The following PTPRT variants were observed in gnomAD, a reference collection of about 807,000 sequenced individuals.
The protein encoded by PTPRT is receptor-type tyrosine-protein phosphatase T.
A neutral mutation model predicts 176.8 loss-of-function variants in PTPRT; 56 were observed. That is an observed-to-expected ratio of 0.32 (90% CI 0.26 to 0.40). PTPRT has a LOEUF of 0.40. Among genes scored for constraint, PTPRT ranks in the 10% least tolerant of loss-of-function variants. The probability of loss-of-function intolerance (pLI) is 1.00; values close to 1 mark genes in which losing one functional copy is unlikely to be tolerated. For missense variants in PTPRT, 1,540 were observed against 1,908.2 expected, an observed-to-expected ratio of 0.81 and a Z score of 3.60; for synonymous variants, 783 against 739.0, an observed-to-expected ratio of 1.06 and a Z score of -0.96.
intron 1 of PTPRT, among the ~76,000 whole-genome samples, chr20:43,139,656 A>G (rs1359980208): frequency 6.6e-6 from 1 of 152,152 alleles, no homozygotes; most frequent in Non-Finnish European, 1.5e-5. Context: ...TGATTTACCT[A>G]TGAGGGAGGG....
At chr20:43,010,304 G>A (rs1985051958) in intron 1 of PTPRT, among the ~76,000 whole-genome samples, 1 of 151,740 alleles carries the variant, frequency 6.6e-6, no homozygotes, top group South Asian at 2.1e-4. Flanking sequence ...CATTGGTAAG[G>A]CTTCCAAGAC....
At chr20:42,108,371 T>G (rs1371253786) in intron 23 of PTPRT, among the ~76,000 whole-genome samples, 1 of 152,322 alleles carries the variant, frequency 6.6e-6, no homozygotes, top group East Asian at 1.9e-4. Context: ...TTAACCTCTC[T>G]GGGTTTCAAT....
intron 16 of PTPRT, among the ~76,000 whole-genome samples, chr20:42,167,297 T>C (rs1989871146): frequency 6.6e-6 from 1 of 152,152 alleles, no homozygotes; most frequent in Non-Finnish European, 1.5e-5. Context: ...CTCTCTGCTT[T>C]CCTTTATGAC....
chr20:42,084,593 T>G, intron 29 of PTPRT, 89 bp downstream of exon 29: 1 of 1,179,256 alleles, frequency 8.5e-7, no homozygotes, highest in Non-Finnish European at 1.1e-6. Context: ...CAGGCCTGCC[T>G]AGGACTGGGG....
At chr20:42,888,449 A>C (rs1349437852) in intron 1 of PTPRT, among the ~76,000 whole-genome samples, 1 of 152,172 alleles carries the variant, frequency 6.6e-6, no homozygotes, top group Non-Finnish European at 1.5e-5. Flanking sequence ...CTGTCATGTA[A>C]TCCTCACAAA....
At chr20:42,540,158 G>A (rs6093673) in intron 7 of PTPRT, among the ~76,000 whole-genome samples, 19,515 of 152,074 alleles carry the variant, frequency 0.13, 1,411 homozygotes, top group East Asian at 0.19. Flanking sequence ...GTTTGGACAG[G>A]GAATTGGGAA....
chr20:42,409,532 A>C, intron 9 of PTPRT, among the ~76,000 whole-genome samples: 1 of 150,104 alleles, frequency 6.7e-6, no homozygotes, highest in African/African-American at 2.5e-5. Flanking sequence ...TTATTTATAC[A>C]AACTGATATA....
intron 1 of PTPRT, among the ~76,000 whole-genome samples, chr20:43,184,266 G>A (rs1353391532): frequency 5.3e-5 from 8 of 152,192 alleles, no homozygotes; most frequent in Non-Finnish European, 5.9e-5. Flanking sequence ...TGCCACACTG[G>A]GGGACTGCTT....
chr20:42,182,534 G>C (rs1990565415), intron 16 of PTPRT, among the ~76,000 whole-genome samples: 1 of 152,138 alleles, frequency 6.6e-6, no homozygotes, highest in South Asian at 2.1e-4. Context: ...GTGACTGTTA[G>C]TTTGGAATGA....
chr20:42,563,217 G>C (rs1002179474), intron 7 of PTPRT, among the ~76,000 whole-genome samples: 1 of 151,952 alleles, frequency 6.6e-6, no homozygotes, highest in Admixed American at 6.6e-5. Context: ...GATGTGTAAA[G>C]CTCCCCAAAG....
the PTPRT span, among the ~76,000 whole-genome samples, chr20:42,055,491 G>A: frequency 6.6e-6 from 1 of 152,226 alleles, no homozygotes; most frequent in African/African-American, 2.4e-5. Context: ...CAGGCCAGCA[G>A]TATTTGTTTT....
chr20:42,225,986 T>A (rs1039125163), intron 15 of PTPRT, among the ~76,000 whole-genome samples: 1 of 152,230 alleles, frequency 6.6e-6, no homozygotes, highest in African/African-American at 2.4e-5. Flanking sequence ...ACATCTGGCA[T>A]CTACTTTATA....
intron 16 of PTPRT, among the ~76,000 whole-genome samples, chr20:42,172,012 C>T (rs181666118): frequency 6.6e-6 from 1 of 151,898 alleles, no homozygotes; most frequent in Non-Finnish European, 1.5e-5. Context: ...AAAAATACAC[C>T]TCTCAAGAAT....
chr20:42,846,119 C>G (rs1204071385), intron 2 of PTPRT, among the ~76,000 whole-genome samples: 1 of 152,192 alleles, frequency 6.6e-6, no homozygotes, highest in Non-Finnish European at 1.5e-5. Context: ...TGGATGCCCT[C>G]ACTTGCTGCC....
intron 8 of PTPRT, among the ~76,000 whole-genome samples, chr20:42,453,523 C>A (rs1468321001): frequency 6.6e-6 from 1 of 151,990 alleles, no homozygotes; most frequent in East Asian, 1.9e-4. Context: ...CCACTATCTG[C>A]TCTAAGAAAT....
At chr20:42,141,143 C>T (rs544771199) in intron 18 of PTPRT, among the ~76,000 whole-genome samples, 16 of 152,274 alleles carry the variant, frequency 1.1e-4, no homozygotes, top group African/African-American at 3.1e-4. Context: ...GCGTAACATG[C>T]CTTCCCCTGC....
chr20:42,090,474 T>C (rs1455187573), intron 27 of PTPRT, among the ~76,000 whole-genome samples: 1 of 151,946 alleles, frequency 6.6e-6, no homozygotes. Context: ...CAGTGAGGTA[T>C]AAAAGGCAAC....
Position 43,164,454 on chromosome 20 carries a change from C to T in PTPRT, c.88+25192G>A, listed in dbSNP as rs1047680489. ...CTGATACCATTAACCTATTAACACA[C>T]CCAAGCTTATGTGGACAGAAAGTGA... On this transcript the variant is annotated intron_variant, in intron 1 of 30. Coordinates refer to ENST00000373187, the MANE Select transcript of PTPRT (RefSeq NM_007050.6). 3.3e-5 allele frequency among the ~76,000 whole-genome samples: 5 copies of T among 152,128 alleles called. No individual in the cohort carries two copies. In the South Asian group the frequency reaches 1.0e-3, roughly 32 times the overall value.
At chr20:42,723,855 G>T (rs2076338882) in intron 6 of PTPRT, among the ~76,000 whole-genome samples, 1 of 152,186 alleles carries the variant, frequency 6.6e-6, no homozygotes, top group Admixed American at 6.5e-5. Context: ...CAGAATCCTT[G>T]CTCTCCTATC....
Sources: allele counts gnomAD v4.1 joint callset (sites outside exome capture counted in the v4.1 genomes callset), GRCh38; gene constraint gnomAD v4.1.1; transcripts MANE v1.5; gene names NCBI Gene and HGNC (gene_info 2026-07-23, HGNC 2026-07-21).